Variants in AFG2A observed in about 807,000 individuals in gnomAD.
The protein encoded by AFG2A is AAA ATPase AFG2A, also known as ATPase family gene 2 protein homolog A.
the AFG2A span, among the ~76,000 whole-genome samples, chr4:123,227,465 T>C: frequency 6.6e-6 from 1 of 152,246 alleles, no homozygotes; most frequent in Non-Finnish European, 1.5e-5. Context: ...CATTTCATTA[T>C]GTACCCAGTA....
At chr4:122,951,821 T>C in the AFG2A span, among the ~76,000 whole-genome samples, 13 of 152,236 alleles carry the variant, frequency 8.5e-5, no homozygotes, top group East Asian at 1.4e-3. Flanking sequence ...TGGTCAGTCA[T>C]TGGGCGGTCA....
At chr4:123,114,205 C>T in the AFG2A span, among the ~76,000 whole-genome samples, 18 of 152,208 alleles carry the variant, frequency 1.2e-4, no homozygotes, top group South Asian at 2.1e-3. Flanking sequence ...AAGTGCATGC[C>T]GATTGGTCCA....
At chr4:122,951,402 G>A in the AFG2A span, among the ~76,000 whole-genome samples, 3,250 of 148,438 alleles carry the variant, frequency 0.022, 59 homozygotes, top group Non-Finnish European at 0.035. Flanking sequence ...GATACTAAGG[G>A]ATGACTGTAT....
chr4:123,231,490 G>GT, the AFG2A span, among the ~76,000 whole-genome samples: 3,573 of 152,046 alleles, frequency 0.023, 73 homozygotes, highest in African/African-American at 0.056. Context: ...GTTGTGGTTG[G>GT]TTTGATCTTT....
At chr4:123,210,081 C>T in the AFG2A span, among the ~76,000 whole-genome samples, 1 of 152,116 alleles carries the variant, frequency 6.6e-6, no homozygotes, top group Non-Finnish European at 1.5e-5. Flanking sequence ...AGGACCCTGA[C>T]TAATTTTCTA....
the AFG2A span, among the ~76,000 whole-genome samples, chr4:122,963,485 T>C: frequency 6.6e-6 from 1 of 152,198 alleles, no homozygotes; most frequent in Non-Finnish European, 1.5e-5. Flanking sequence ...GCACCTTGTA[T>C]GTACTAACAC....
At chr4:123,277,286 T>G in the AFG2A span, among the ~76,000 whole-genome samples, 2 of 152,084 alleles carry the variant, frequency 1.3e-5, no homozygotes, top group African/African-American at 2.4e-5. Context: ...AGCTTGGATG[T>G]TTTTGGTGTA....
At chr4:123,006,266 C>G in the AFG2A span, among the ~76,000 whole-genome samples, 1 of 151,828 alleles carries the variant, frequency 6.6e-6, no homozygotes, top group Non-Finnish European at 1.5e-5. Flanking sequence ...AATCTGCTTT[C>G]TTCATTTTCT....
chr4:123,178,606 T>A, the AFG2A span, among the ~76,000 whole-genome samples: 1 of 152,196 alleles, frequency 6.6e-6, no homozygotes, highest in Admixed American at 6.5e-5. Context: ...AGGTTTGAAC[T>A]CTTGAAAATT....
At chr4:123,019,887 T>C in the AFG2A span, among the ~76,000 whole-genome samples, 3 of 152,150 alleles carry the variant, frequency 2.0e-5, no homozygotes, top group Admixed American at 1.3e-4. Flanking sequence ...CACAGTACAA[T>C]AGTTGGAAAG....
At chr4:123,303,152 T>C in the AFG2A span, among the ~76,000 whole-genome samples, 1 of 152,188 alleles carries the variant, frequency 6.6e-6, no homozygotes, top group Non-Finnish European at 1.5e-5. Context: ...CAATTAAAGT[T>C]AGAAACATTT....
chr4:123,234,249 C>T, the AFG2A span, among the ~76,000 whole-genome samples: 1 of 152,082 alleles, frequency 6.6e-6, no homozygotes, highest in Non-Finnish European at 1.5e-5. Context: ...TACAATCTGA[C>T]GGTATAAAAT....
chr4:123,263,620 C>T, the AFG2A span, among the ~76,000 whole-genome samples: 2 of 152,140 alleles, frequency 1.3e-5, no homozygotes, highest in Non-Finnish European at 2.9e-5. Context: ...AAAATAGCAT[C>T]ACTAATGATC....
the AFG2A span, among the ~76,000 whole-genome samples, chr4:123,244,630 CTTTG>C: frequency 2.6e-5 from 4 of 152,178 alleles, no homozygotes; most frequent in Admixed American, 6.5e-5. Context: ...TCAACAAAAC[CTTTG>C]TTTGTTTACA....
chr4:123,074,407 A>G, the AFG2A span, among the ~76,000 whole-genome samples: 1 of 145,268 alleles, frequency 6.9e-6, no homozygotes, highest in Non-Finnish European at 1.5e-5. Flanking sequence ...ACTGGATTAC[A>G]TATGTCTTTT....
the AFG2A span, among the ~76,000 whole-genome samples, chr4:123,186,975 A>C: frequency 6.6e-6 from 1 of 152,176 alleles, no homozygotes; most frequent in Non-Finnish European, 1.5e-5. Context: ...TTGTCATTGC[A>C]GTGGCTCCTA....
chr4:123,295,430 G>C, the AFG2A span, among the ~76,000 whole-genome samples: 1 of 152,166 alleles, frequency 6.6e-6, no homozygotes, highest in African/African-American at 2.4e-5. Context: ...AGACGAAAAG[G>C]GAACAAAAGA....
chr4:123,235,858 C>T, the AFG2A span, among the ~76,000 whole-genome samples: 602 of 152,220 alleles, frequency 4.0e-3, 2 homozygotes, highest in Non-Finnish European at 7.1e-3. Context: ...TTGTTACCTC[C>T]ACGGAAGTGA....
the AFG2A span, among the ~76,000 whole-genome samples, chr4:122,982,700 C>A: frequency 6.6e-6 from 1 of 151,820 alleles, no homozygotes; most frequent in Admixed American, 6.6e-5. Flanking sequence ...CTTTATGATT[C>A]ATTTTTGGTA....
Sources: gnomAD v4.1 joint callset for allele counts (sites outside exome capture counted in the v4.1 genomes callset) on GRCh38, gnomAD v4.1.1 for gene constraint, MANE v1.5 for transcripts, NCBI Gene and HGNC (gene_info 2026-07-23, HGNC 2026-07-21) for gene names.